Variants in SCMH1 observed in about 807,000 individuals in gnomAD.
SCMH1 encodes the protein polycomb protein SCMH1.
Under a neutral mutation model 70.8 loss-of-function variants are expected in SCMH1, and 37 were observed. The observed-to-expected ratio is 0.52, with a 90% CI of 0.40 to 0.69. The LOEUF is 0.69. Among genes scored for constraint, SCMH1 ranks in the 30% least tolerant of loss-of-function variants. The pLI, the probability that SCMH1 is intolerant of heterozygous loss-of-function variation, is 0.00. For missense variants in SCMH1, 607 were observed against 827.3 expected, an observed-to-expected ratio of 0.73 and a Z score of 3.27; for synonymous variants, 292 against 307.4, an observed-to-expected ratio of 0.95 and a Z score of 0.52.
rs79905478 is a variant in SCMH1 at position 41,030,552 on chromosome 1, A to G, written c.1679-1826T>C. 1.6e-3 allele frequency among the ~76,000 whole-genome samples: 249 copies of G among 152,268 alleles called. 7 individuals are homozygous for G. The East Asian group carries it at 0.027, about 16-fold the overall frequency. ...TCTTTTCATGCCTGACTCCTTCTCA[A>G]CATTTGGTTCTTACCTCAAATATTG... On this transcript the variant is annotated intron_variant, in intron 13 of 14. Coordinates refer to ENST00000337495, the Ensembl canonical transcript of SCMH1.
intron 10 of SCMH1, among the ~76,000 whole-genome samples, chr1:41,069,248 T>C (rs1655664871): frequency 6.6e-6 from 1 of 152,032 alleles, no homozygotes; most frequent in Non-Finnish European, 1.5e-5. Flanking sequence ...GGTAGGGAAA[T>C]ATGTGTGGGT....
Position 41,079,356 on chromosome 1 carries a change from C to A in SCMH1, c.746-3905G>T, listed in dbSNP as rs539120009. Among the ~76,000 whole-genome samples the A allele has an allele frequency of 2.7e-4, 41 of 151,600 alleles. 1 individual carries two copies. The highest frequency in any genetic ancestry group is 8.3e-4 in the South Asian group (4 of 4,800). Reference sequence around the variant, plus strand: ...AATGAACAAACCAGACCAAAAAAAACCCCCAGAACTCAATTATATTTGTTT... The same window carrying A: ...AATGAACAAACCAGACCAAAAAAAAACCCCAGAACTCAATTATATTTGTTT... On this transcript the variant is annotated intron_variant, in intron 8 of 14. Transcript: ENST00000337495.
intron 6 of SCMH1, among the ~76,000 whole-genome samples, chr1:41,137,357 T>A (rs1233153687): frequency 1.3e-5 from 2 of 152,188 alleles, no homozygotes; most frequent in African/African-American, 4.8e-5. Flanking sequence ...TGTTTATATC[T>A]CCCCTGTTCA....
chr1:41,200,458 C>A (rs368648357), intron 1 of SCMH1, among the ~76,000 whole-genome samples: 1 of 150,078 alleles, frequency 6.7e-6, no homozygotes, highest in Non-Finnish European at 1.5e-5. Context: ...CCAGCCTGAG[C>A]GAGAGCAAAA....
At chr1:41,132,818 T>G (rs1205027461) in intron 6 of SCMH1, among the ~76,000 whole-genome samples, 1 of 152,232 alleles carries the variant, frequency 6.6e-6, no homozygotes, top group Non-Finnish European at 1.5e-5. Flanking sequence ...CCATTTCTTG[T>G]TTTTGTCATG....
intron 8 of SCMH1, among the ~76,000 whole-genome samples, chr1:41,087,552 A>G (rs1662093638): frequency 6.6e-6 from 1 of 152,150 alleles, no homozygotes; most frequent in Non-Finnish European, 1.5e-5. Context: ...CCCTAGACAT[A>G]TGAAAAGATG....
intron 4 of SCMH1, chr1:41,152,472 C>T: frequency 2.0e-6 from 2 of 993,562 alleles, no homozygotes; most frequent in South Asian, 1.6e-5. Flanking sequence ...CAAGGTGACA[C>T]TGTGCTGGGG....
chr1:41,050,703 G>A (rs1228340526), intron 10 of SCMH1, among the ~76,000 whole-genome samples: 2 of 152,174 alleles, frequency 1.3e-5, no homozygotes, highest in African/African-American at 4.8e-5. Flanking sequence ...TTAGGAAGGT[G>A]GAAAGCGGAC....
At chr1:41,232,558 A>G (rs1200623325) in intron 1 of SCMH1, among the ~76,000 whole-genome samples, 1 of 152,214 alleles carries the variant, frequency 6.6e-6, no homozygotes, top group Non-Finnish European at 1.5e-5. Context: ...ACTGGGGTTG[A>G]AGTCAGGCTG....
intron 2 of SCMH1, among the ~76,000 whole-genome samples, chr1:41,179,239 T>C (rs1051368598): frequency 3.6e-4 from 54 of 150,938 alleles, no homozygotes; most frequent in African/African-American, 1.3e-3. Context: ...CAAAGCAGTG[T>C]GTAGAGGGAA....
At chr1:41,209,334 A>T (rs1573081353) in intron 1 of SCMH1, among the ~76,000 whole-genome samples, 1 of 152,138 alleles carries the variant, frequency 6.6e-6, no homozygotes, top group African/African-American at 2.4e-5. Context: ...CCAAGCAATA[A>T]AAAAAGAGGG....
chr1:41,204,014 T>C (rs1654959667), intron 1 of SCMH1, among the ~76,000 whole-genome samples: 1 of 152,184 alleles, frequency 6.6e-6, no homozygotes, highest in Non-Finnish European at 1.5e-5. Context: ...CGAGCTGGTC[T>C]CAGCAATGTT....
intron 6 of SCMH1, among the ~76,000 whole-genome samples, chr1:41,130,863 T>C (rs1457685785): frequency 6.6e-6 from 1 of 152,218 alleles, no homozygotes; most frequent in Non-Finnish European, 1.5e-5. Context: ...TGGCTATTTT[T>C]TCCCATTGTG....
chr1:41,178,860 G>C (rs912637110), intron 2 of SCMH1, among the ~76,000 whole-genome samples: 6 of 152,180 alleles, frequency 3.9e-5, no homozygotes, highest in African/African-American at 1.4e-4. Context: ...TCCAGGAATT[G>C]AGCTCAGCTC....
chr1:41,120,147 T>C (rs767895134), intron 6 of SCMH1, among the ~76,000 whole-genome samples: 4 of 152,136 alleles, frequency 2.6e-5, no homozygotes, highest in Non-Finnish European at 2.9e-5. Flanking sequence ...TTAATGCCTA[T>C]AGTTATCAAT....
intron 6 of SCMH1, among the ~76,000 whole-genome samples, chr1:41,119,296 T>C (rs1671299395): frequency 6.6e-6 from 1 of 152,190 alleles, no homozygotes; most frequent in South Asian, 2.1e-4. Flanking sequence ...CAAAGCTGGC[T>C]AGGCTAAGCC....
At chr1:41,058,047 G>A (rs952486917) in intron 10 of SCMH1, among the ~76,000 whole-genome samples, 16 of 151,240 alleles carry the variant, frequency 1.1e-4, no homozygotes, top group African/African-American at 3.9e-4. Context: ...ACCTGAGTGT[G>A]GGAAGCTGAG....
intron 4 of SCMH1, among the ~76,000 whole-genome samples, chr1:41,152,007 A>G (rs1645114806): frequency 2.0e-5 from 3 of 152,236 alleles, no homozygotes; most frequent in Non-Finnish European, 4.4e-5. Context: ...AAAACAGAAT[A>G]GAAGAGGCAG....
chr1:41,185,455 G>A (rs77768769), intron 2 of SCMH1, among the ~76,000 whole-genome samples: 1,973 of 152,100 alleles, frequency 0.013, 41 homozygotes, highest in African/African-American at 0.045. Context: ...CCCAAATGCC[G>A]GGATTACAGG....
Sources: allele counts gnomAD v4.1 joint callset (sites outside exome capture counted in the v4.1 genomes callset), GRCh38; gene constraint gnomAD v4.1.1; transcripts MANE v1.5; gene names NCBI Gene and HGNC (gene_info 2026-07-23, HGNC 2026-07-21).